Variants in CACNB4 observed in about 807,000 individuals in gnomAD.
CACNB4 encodes calcium voltage-gated channel auxiliary subunit beta 4, also known as voltage-dependent L-type calcium channel subunit beta-4.
A neutral mutation model predicts 71.2 loss-of-function variants in CACNB4; 32 were observed. The observed-to-expected ratio is 0.45, with a 90% CI of 0.34 to 0.60. The LOEUF (loss-of-function observed/expected upper bound fraction) is 0.60, where lower values mean the gene tolerates loss of function less well. CACNB4 is among the 20% of genes least tolerant of loss of function. CACNB4 has a pLI of 0.01. For synonymous variants in CACNB4, 231 were observed against 236.9 expected (o/e 0.97, Z 0.23); for missense variants, 464 against 647.9 (o/e 0.72, Z 3.08).
At chr2:151,964,331 C>T (rs116486969) in intron 2 of CACNB4, among the ~76,000 whole-genome samples, 154 of 152,136 alleles carry the variant, frequency 1.0e-3, no homozygotes, top group African/African-American at 3.5e-3. Context: ...AAATATGACA[C>T]GTTTGCTTGT....
At chr2:151,890,436 GAAGT>G (rs1401421086) in intron 2 of CACNB4, among the ~76,000 whole-genome samples, 2 of 152,156 alleles carry the variant, frequency 1.3e-5, no homozygotes, top group Admixed American at 6.6e-5. Context: ...TCAACCCTAA[GAAGT>G]AAGTTATGAT....
intron 3 of CACNB4, among the ~76,000 whole-genome samples, chr2:151,881,440 G>A (rs1458390065): frequency 6.6e-6 from 1 of 152,204 alleles, no homozygotes; most frequent in African/African-American, 2.4e-5. Flanking sequence ...CAAAGCTGAT[G>A]GGCAGGGCTC....
At chr2:152,031,767 G>A (rs1027659146) in intron 2 of CACNB4, among the ~76,000 whole-genome samples, 6 of 152,190 alleles carry the variant, frequency 3.9e-5, no homozygotes, top group African/African-American at 1.2e-4. Flanking sequence ...AGAGAGACCT[G>A]GAGTTAATGG....
At chr2:152,006,687 C>T (rs537319068) in intron 2 of CACNB4, among the ~76,000 whole-genome samples, 51 of 152,228 alleles carry the variant, frequency 3.4e-4, no homozygotes, top group Non-Finnish European at 6.0e-4. Context: ...TGAGACACCA[C>T]GCCTGGCCCT....
intron 2 of CACNB4, among the ~76,000 whole-genome samples, chr2:152,028,084 C>T (rs1379014323): frequency 1.3e-5 from 2 of 152,086 alleles, no homozygotes; most frequent in Non-Finnish European, 2.9e-5. Flanking sequence ...AATCACAAGA[C>T]AAGGATCGCC....
Position 151,870,839 on chromosome 2 carries a change from T to C in CACNB4, c.618+3A>G, listed in dbSNP as rs1578552056. On this transcript the variant is annotated splice_donor_region_variant and intron_variant, in intron 7 of 13. Transcript: ENST00000539935. ...GTAGATTTAAAAAGGAAACACAACT[T>C]ACCACTTTTTGCTTCTGTTTTGCTA... The C allele has an allele frequency of 6.2e-7, 1 of 1,601,478 alleles. No individual in the cohort carries two copies. The highest frequency in any genetic ancestry group is 8.5e-7 in the Non-Finnish European group (1 of 1,171,518).
intron 2 of CACNB4, among the ~76,000 whole-genome samples, chr2:152,053,318 A>T (rs1685545104): frequency 6.6e-6 from 1 of 152,110 alleles, no homozygotes; most frequent in Non-Finnish European, 1.5e-5. Context: ...TACTTAATGA[A>T]GCTCCATAAA....
At chr2:151,913,765 CAAA>C (rs35438699) in intron 2 of CACNB4, among the ~76,000 whole-genome samples, 1 of 120,496 alleles carries the variant, frequency 8.3e-6, no homozygotes. Flanking sequence ...GACTCCATCT[CAAA>C]AAAAAAAAAA....
intron 2 of CACNB4, among the ~76,000 whole-genome samples, chr2:151,988,611 A>T (rs773224068): frequency 2.0e-5 from 3 of 152,226 alleles, no homozygotes; most frequent in Non-Finnish European, 4.4e-5. Flanking sequence ...TGAGAAGTCC[A>T]AGACCAAGGT....
chr2:152,081,135 TAA>T (rs1239388964), intron 2 of CACNB4, among the ~76,000 whole-genome samples: 1 of 152,148 alleles, frequency 6.6e-6, no homozygotes, highest in Non-Finnish European at 1.5e-5. Context: ...CAAGCTAACT[TAA>T]GTCATTTCCA....
rs1376256897 is a variant in CACNB4, at chr2:151,837,230, A to G, written c.*1889T>C. On this transcript the variant is annotated 3_prime_UTR_variant, in exon 14 of 14. Transcript: ENST00000539935. ...CACATGTTAACTTTTAAAATTTACT[A>G]AGCCCATATTTTTTAATTGTATCAA... The G allele has an allele frequency of 6.6e-6, 1 of 152,040 alleles. No homozygotes were observed. Among genetic ancestry groups the G allele is most frequent in the Non-Finnish European group, 1.5e-5 (1 of 67,908 alleles). 9.4% of individuals were successfully genotyped at this position (152,040 alleles called of 1,614,324 possible).
chr2:151,980,467 T>C (rs892351859), intron 2 of CACNB4, among the ~76,000 whole-genome samples: 2 of 152,336 alleles, frequency 1.3e-5, no homozygotes, highest in Middle Eastern at 3.4e-3. Flanking sequence ...TTAGTTTGCA[T>C]TAGTGCAATT....
chr2:151,980,079 CT>C (rs1368900971), intron 2 of CACNB4, among the ~76,000 whole-genome samples: 1 of 152,102 alleles, frequency 6.6e-6, no homozygotes, highest in Non-Finnish European at 1.5e-5. Context: ...ACTTTATTTT[CT>C]ATTTTGTTAC....
chr2:152,065,058 G>C (rs990475872), intron 2 of CACNB4, among the ~76,000 whole-genome samples: 1 of 152,174 alleles, frequency 6.6e-6, no homozygotes, highest in Non-Finnish European at 1.5e-5. Flanking sequence ...ACTCTTGCTT[G>C]TGTGGTAAAT....
intron 2 of CACNB4, among the ~76,000 whole-genome samples, chr2:152,066,330 A>G (rs1178844717): frequency 5.3e-5 from 8 of 152,210 alleles, no homozygotes; most frequent in African/African-American, 1.2e-4. Flanking sequence ...AAAAGTGGGC[A>G]AAGGACATGA....
intron 3 of CACNB4, among the ~76,000 whole-genome samples, chr2:151,881,420 T>C (rs1383999897): frequency 6.6e-6 from 1 of 152,202 alleles, no homozygotes; most frequent in Non-Finnish European, 1.5e-5. Context: ...AAAGAAGGGT[T>C]AGTCAGCGTC....
chr2:152,076,390 C>T (rs1382477266), intron 2 of CACNB4, among the ~76,000 whole-genome samples: 4 of 149,918 alleles, frequency 2.7e-5, no homozygotes, highest in East Asian at 2.0e-4. Flanking sequence ...TCTTGAACTC[C>T]TGACCTTGTG....
At chr2:152,022,950 C>T (rs1399315624) in intron 2 of CACNB4, among the ~76,000 whole-genome samples, 4 of 152,154 alleles carry the variant, frequency 2.6e-5, no homozygotes, top group Non-Finnish European at 5.9e-5. Context: ...TCTGTTTTCA[C>T]ACTGCTACAA....
At chr2:151,865,823 T>C (rs2099842958) in intron 9 of CACNB4, 1 of 150,892 alleles carries the variant, frequency 6.6e-6, no homozygotes, top group Admixed American at 6.6e-5. Context: ...TTTGCTCCTA[T>C]TGCCCAGGCT....
Sources: gnomAD v4.1 joint callset for allele counts (sites outside exome capture counted in the v4.1 genomes callset) on GRCh38, gnomAD v4.1.1 for gene constraint, MANE v1.5 for transcripts, NCBI Gene and HGNC (gene_info 2026-07-23, HGNC 2026-07-21) for gene names.